Variants in SHISA6 observed in about 807,000 individuals in gnomAD.
SHISA6 encodes shisa family member 6, also known as protein shisa-6.
In SHISA6, 22 loss-of-function variants were observed where a neutral mutation model predicts 47.9. That is an observed-to-expected ratio of 0.46 (90% CI 0.33 to 0.66). The LOEUF is 0.66. Ranked by LOEUF, SHISA6 falls within the 30% of genes least tolerant of loss-of-function variation. SHISA6 has a pLI of 0.02. For missense variants in SHISA6, 680 were observed against 764.6 expected, an observed-to-expected ratio of 0.89 and a Z score of 1.30; for synonymous variants, 388 against 337.8, an observed-to-expected ratio of 1.15 and a Z score of -1.63.
chr17:11,277,280 T>TCTCACACA (rs1386997909), intron 2 of SHISA6, among the ~76,000 whole-genome samples: 71 of 53,920 alleles, frequency 1.3e-3, no homozygotes, highest in South Asian at 0.011. Flanking sequence ...TCTCTCTCTC[T>TCTCACACA]CACACACACA....
At chr17:11,406,498 C>T (rs544532030) in intron 3 of SHISA6, among the ~76,000 whole-genome samples, 4 of 152,330 alleles carry the variant, frequency 2.6e-5, no homozygotes, top group African/African-American at 9.6e-5. Context: ...CCTTCCCAGG[C>T]ACCACAATTC....
chr17:11,365,320 C>G (rs1912413068), intron 2 of SHISA6, among the ~76,000 whole-genome samples: 1 of 152,084 alleles, frequency 6.6e-6, no homozygotes, highest in Non-Finnish European at 1.5e-5. Flanking sequence ...CTCTGTTACC[C>G]AGGCTGGAGT....
intron 3 of SHISA6, among the ~76,000 whole-genome samples, chr17:11,501,497 T>G (rs1263406383): frequency 6.6e-6 from 1 of 152,078 alleles, no homozygotes; most frequent in Non-Finnish European, 1.5e-5. Context: ...TAAAACCAAT[T>G]ACAGGAATTA....
intron 3 of SHISA6, among the ~76,000 whole-genome samples, chr17:11,528,916 G>A (rs112605928): frequency 5.8e-4 from 88 of 152,268 alleles, no homozygotes; most frequent in African/African-American, 2.1e-3. Flanking sequence ...TAAATGGCCG[G>A]GCGTGGTGAT....
intron 3 of SHISA6, among the ~76,000 whole-genome samples, chr17:11,430,358 G>A (rs1001740809): frequency 6.6e-5 from 10 of 152,080 alleles, no homozygotes; most frequent in African/African-American, 2.4e-4. Flanking sequence ...GTGTTTTACC[G>A]CAAGACCCTT....
chr17:11,558,427 G>A lies in SHISA6; in HGVS notation c.*123G>A. 8.5e-7 allele frequency: 1 copy of A among 1,176,256 alleles called. No individual in the cohort carries two copies. Among genetic ancestry groups the A allele is most frequent in the Non-Finnish European group, 1.2e-6 (1 of 856,344 alleles). The allele number at this position is 1,176,256 out of a possible 1,614,324, so 72.9% of individuals were successfully genotyped here. ...CTTGTCCCCTCTGTAGGAAGTGGGG[G>A]TGGGCCACCTTTGCCCAAAAAGCCA... On this transcript the variant is annotated 3_prime_UTR_variant, in exon 6 of 6. Transcript: ENST00000441885.
intron 2 of SHISA6, among the ~76,000 whole-genome samples, chr17:11,307,112 A>G (rs993071094): frequency 6.9e-6 from 1 of 145,582 alleles, no homozygotes; most frequent in Non-Finnish European, 1.5e-5. Flanking sequence ...AGTGCCATAT[A>G]TTTATTTATT....
intron 3 of SHISA6, among the ~76,000 whole-genome samples, chr17:11,382,532 G>A (rs1335357614): frequency 6.6e-6 from 1 of 152,192 alleles, no homozygotes; most frequent in Non-Finnish European, 1.5e-5. Flanking sequence ...AATATCCCAT[G>A]GAAGGGAACA....
chr17:11,291,157 T>C (rs1909525801), intron 2 of SHISA6, among the ~76,000 whole-genome samples: 1 of 151,284 alleles, frequency 6.6e-6, no homozygotes, highest in South Asian at 2.1e-4. Flanking sequence ...CCTTAGGGAG[T>C]GAGAGTTCGG....
chr17:11,503,310 A>G (rs970812324), intron 3 of SHISA6, among the ~76,000 whole-genome samples: 2 of 152,030 alleles, frequency 1.3e-5, no homozygotes, highest in South Asian at 2.1e-4. Flanking sequence ...GCGAAAACTT[A>G]GCCACCAAAT....
chr17:11,464,095 T>G (rs975558358), intron 3 of SHISA6, among the ~76,000 whole-genome samples: 3 of 152,106 alleles, frequency 2.0e-5, no homozygotes, highest in Non-Finnish European at 4.4e-5. Context: ...TTTTAAATTT[T>G]TTTTAGAGAT....
chr17:11,488,196 G>A (rs954963598), intron 3 of SHISA6, among the ~76,000 whole-genome samples: 2 of 152,050 alleles, frequency 1.3e-5, no homozygotes, highest in Admixed American at 6.6e-5. Context: ...GCTGAATAGT[G>A]TCTGCGAATT....
At chr17:11,245,020 G>A (rs115970902) in intron 1 of SHISA6, among the ~76,000 whole-genome samples, 1 of 152,168 alleles carries the variant, frequency 6.6e-6, no homozygotes, top group African/African-American at 2.4e-5. Context: ...CTTAGGGTAG[G>A]ACTTCCTTTC....
chr17:11,300,149 C>CAAAAAAAAA (rs56060137), intron 2 of SHISA6, among the ~76,000 whole-genome samples: 56 of 128,686 alleles, frequency 4.4e-4, no homozygotes, highest in Non-Finnish European at 6.2e-4. Context: ...CATCTTAAAA[C>CAAAAAAAAA]AAAAAAAAAA....
chr17:11,368,401 C>A (rs1912524306), intron 2 of SHISA6, among the ~76,000 whole-genome samples: 1 of 152,176 alleles, frequency 6.6e-6, no homozygotes. Context: ...ACATTACCAG[C>A]ATGAAAACTG....
At chr17:11,281,824 G>T (rs1286891352) in intron 2 of SHISA6, among the ~76,000 whole-genome samples, 1 of 152,136 alleles carries the variant, frequency 6.6e-6, no homozygotes, top group African/African-American at 2.4e-5. Context: ...CAGGGTATCT[G>T]TTTCTTTCAG....
intron 2 of SHISA6, among the ~76,000 whole-genome samples, chr17:11,339,146 C>G (rs997162381): frequency 6.7e-6 from 1 of 149,072 alleles, no homozygotes; most frequent in African/African-American, 2.5e-5. Flanking sequence ...CACATGTACC[C>G]TAGAACTTAA....
chr17:11,359,179 T>C (rs1403425925), intron 2 of SHISA6, among the ~76,000 whole-genome samples: 1 of 152,218 alleles, frequency 6.6e-6, no homozygotes, highest in Non-Finnish European at 1.5e-5. Flanking sequence ...TCTTTTTTGT[T>C]GCTTGCTTCC....
At chr17:11,311,282 A>G (rs1371027183) in intron 2 of SHISA6, among the ~76,000 whole-genome samples, 1 of 132,658 alleles carries the variant, frequency 7.5e-6, no homozygotes, top group Admixed American at 8.0e-5. Context: ...ACTTCGTCAA[A>G]AAAAAAAAAA....
Sources: gnomAD v4.1 joint callset for allele counts (sites outside exome capture counted in the v4.1 genomes callset) on GRCh38, gnomAD v4.1.1 for gene constraint, MANE v1.5 for transcripts, NCBI Gene and HGNC (gene_info 2026-07-23, HGNC 2026-07-21) for gene names.